Variants in ALKBH5 observed in about 807,000 individuals in gnomAD.
ALKBH5 encodes RNA demethylase ALKBH5.
ALKBH5 carries 2 observed loss-of-function variants against 32.1 expected under a neutral mutation model. The observed-to-expected ratio is 0.06, with a 90% confidence interval of 0.03 to 0.20. The LOEUF (loss-of-function observed/expected upper bound fraction) is 0.20. Among genes scored for constraint, ALKBH5 ranks in the 10% least tolerant of loss-of-function variants. The pLI is 1.00. For missense variants in ALKBH5, 352 were observed against 559.5 expected, an observed-to-expected ratio of 0.63 and a Z score of 3.74; for synonymous variants, 300 against 231.7, an observed-to-expected ratio of 1.29 and a Z score of -2.68.
In ALKBH5 at chr17:18,194,339, A is replaced by G. The variant is rs189424136; in HGVS notation, c.771-616A>G. Among the ~76,000 whole-genome samples, 91 of 152,208 alleles carry G rather than the reference A, an allele frequency of 6.0e-4. 2 individuals carry two copies. In the East Asian group the frequency reaches 0.016, roughly 27 times the overall value. On this transcript the variant is annotated intron_variant, in intron 1 of 3. Transcript: ENST00000399138. Reference sequence around the variant, plus strand: ...TGGCTAATTTTTGTATTTTTAGTAGAGATGGGGTTTCGCCATGTTGGCCAG... The same window carrying G: ...TGGCTAATTTTTGTATTTTTAGTAGGGATGGGGTTTCGCCATGTTGGCCAG...
intron 2 of ALKBH5, 107 bp downstream of exon 2, chr17:18,195,142 G>C: frequency 1.2e-6 from 1 of 830,604 alleles, no homozygotes; most frequent in Non-Finnish European, 1.9e-6. Context: ...GCATGGCAGA[G>C]TGGAGAGCAG....
intron 1 of ALKBH5, among the ~76,000 whole-genome samples, chr17:18,185,649 A>T (rs2047134845): frequency 6.6e-6 from 1 of 152,178 alleles, no homozygotes; most frequent in African/African-American, 2.4e-5. Context: ...AGAACGTGTT[A>T]CTTGTAGTCA....
At chr17:18,192,078 A>G (rs1049395353) in intron 1 of ALKBH5, among the ~76,000 whole-genome samples, 4 of 152,122 alleles carry the variant, frequency 2.6e-5, no homozygotes, top group Non-Finnish European at 4.4e-5. Context: ...ATGGGATGAG[A>G]ACTAGAGTTC....
In ALKBH5 at chr17:18,184,441, C is replaced by G. The variant is rs370188460; in HGVS notation, c.198C>G (p.Pro66=). ...AKRKYQEDSD[P]ERSDYEEQQL... is the part of the protein sequence containing the mutation. ...GCAAGTATCAGGAGGACTCGGACCCCGAGCGCAGCGACTATGAGGAGCAGC... is the reference window on the plus strand; with the variant it reads ...GCAAGTATCAGGAGGACTCGGACCCGGAGCGCAGCGACTATGAGGAGCAGC... Residue 66 remains proline, a synonymous_variant, in exon 1 of 4, where the codon CCC becomes CCG. Coordinates refer to ENST00000399138, the MANE Select transcript of ALKBH5 (RefSeq NM_017758.4). 6.2e-7 allele frequency: 1 copy of G among 1,605,246 alleles called. No homozygotes were observed. The highest frequency in any genetic ancestry group is 1.3e-5 in the African/African-American group (1 of 74,762).
intron 2 of ALKBH5, among the ~76,000 whole-genome samples, chr17:18,196,852 G>T (rs564302501): frequency 6.6e-6 from 1 of 152,098 alleles, no homozygotes; most frequent in African/African-American, 2.4e-5. Context: ...CTGCAGGGGG[G>T]ATTGGTCTAC....
chr17:18,188,609 G>T (rs901884961), intron 1 of ALKBH5, among the ~76,000 whole-genome samples: 1 of 152,258 alleles, frequency 6.6e-6, no homozygotes, highest in Admixed American at 6.5e-5. Flanking sequence ...ACAGGATGAA[G>T]TCAGGGCTGT....
At chr17:18,189,323 A>G (rs753159974) in intron 1 of ALKBH5, among the ~76,000 whole-genome samples, 10 of 152,186 alleles carry the variant, frequency 6.6e-5, no homozygotes, top group Admixed American at 2.6e-4. Context: ...CGGAGCTTGC[A>G]GTGAACCGAG....
intron 1 of ALKBH5, among the ~76,000 whole-genome samples, chr17:18,192,854 C>CTTTTT (rs201150139): frequency 2.9e-3 from 331 of 115,498 alleles, no homozygotes; most frequent in African/African-American, 8.8e-3. Context: ...CTGTCTTTTT[C>CTTTTT]TTTTTTTTTT....
intron 2 of ALKBH5, chr17:18,206,477 C>T (rs2047269587): frequency 9.8e-6 from 2 of 204,170 alleles, no homozygotes; most frequent in Non-Finnish European, 2.0e-5. Context: ...TAGATGGCCC[C>T]AGAGAACCTG....
intron 2 of ALKBH5, among the ~76,000 whole-genome samples, chr17:18,204,336 A>G (rs2047257711): frequency 6.6e-6 from 1 of 152,132 alleles, no homozygotes; most frequent in Non-Finnish European, 1.5e-5. Context: ...CTGTAATCCT[A>G]GCAATTCGGG....
At position 18,208,509 on chromosome 17, in the gene ALKBH5, T is replaced by C; in HGVS notation, c.*113T>C. The C allele has an allele frequency of 8.4e-7, 1 of 1,188,150 alleles. No homozygotes were observed. The allele number at this position is 1,188,150 out of a possible 1,614,324, so 73.6% of individuals were successfully genotyped here. A position where few individuals can be genotyped will look rare whatever the true frequency, so the allele number is the denominator to read the frequency against. On this transcript the variant is annotated 3_prime_UTR_variant, in exon 4 of 4. Coordinates refer to ENST00000399138, the MANE Select transcript of ALKBH5 (RefSeq NM_017758.4). ...GGGGGTTTTTGTTTTTTGTTTTTTG[T>C]TTTTTTTGATTCTATATATTTTTCC... is the stretch of plus-strand genomic sequence containing the variant.
In ALKBH5 at chr17:18,185,862, C is replaced by T. The variant is rs75922346; in HGVS notation, c.770+849C>T. ...TGAAAATTTATTTGGAAGCGGCCTC[C>T]TTCCAGTCCTGAAAAAGGTAAACCT... On this transcript the variant is annotated intron_variant, in intron 1 of 3. Transcript: ENST00000399138. Among the ~76,000 whole-genome samples the T allele has an allele frequency of 8.0e-4, 122 of 152,348 alleles. 6 individuals carry two copies. In the East Asian group the frequency reaches 0.024, roughly 29 times the overall value.
chr17:18,184,196 G>A lies in ALKBH5; in HGVS notation c.-48G>A. 1 of 1,443,070 alleles carries A rather than the reference G, an allele frequency of 6.9e-7. No homozygotes were observed. The highest frequency in any genetic ancestry group is 9.1e-7 in the Non-Finnish European group (1 of 1,098,666). 89.4% of individuals were successfully genotyped at this position (1,443,070 alleles called of 1,614,324 possible). The stretch of plus-strand genomic sequence containing the variant: ...GGCGCGTCCCCTTAGAGCCATGCCC[G>A]GCTGCCCCGCCCGCCCCGGAGGACC... On this transcript the variant is annotated 5_prime_UTR_variant, in exon 1 of 4. Transcript: ENST00000399138.
intron 1 of ALKBH5, among the ~76,000 whole-genome samples, chr17:18,189,904 C>T (rs768201037): frequency 3.3e-5 from 5 of 152,166 alleles, no homozygotes; most frequent in Non-Finnish European, 7.3e-5. Flanking sequence ...TCAGAAAGCC[C>T]CAGGACTTCT....
chr17:18,191,160 T>TA (rs2047172122), intron 1 of ALKBH5, among the ~76,000 whole-genome samples: 1 of 152,256 alleles, frequency 6.6e-6, no homozygotes. Context: ...AGTAGGTTCC[T>TA]TAATAGTAAA....
chr17:18,207,792 T>C (rs914536171), intron 3 of ALKBH5, among the ~76,000 whole-genome samples: 2 of 152,098 alleles, frequency 1.3e-5, no homozygotes, highest in Non-Finnish European at 2.9e-5. Context: ...AGCTAAACCC[T>C]GAGATACAAA....
At chr17:18,203,048 G>T (rs2047250759) in intron 2 of ALKBH5, among the ~76,000 whole-genome samples, 1 of 149,480 alleles carries the variant, frequency 6.7e-6, no homozygotes, top group Admixed American at 6.7e-5. Context: ...ACTCCAGCCT[G>T]GAGACAGAGC....
chr17:18,184,420 G>C lies in ALKBH5; in HGVS notation c.177G>C (p.Lys59Asn). ...EPYPVSGAKR[K>N]YQEDSDPERS... ...ACCCTGTGTCCGGGGCCAAGCGCAA[G>C]TATCAGGAGGACTCGGACCCCGAGC... Residue 59 changes from lysine to asparagine, a missense_variant, in exon 1 of 4, where the codon AAG (lysine) becomes AAC (asparagine). Around this residue, in one of 4 missense-constraint regions of ALKBH5, gnomAD observed 144 missense variants for 125.8 expected, o/e 1.14. Transcript: ENST00000399138. 1 of 1,586,390 alleles carries C rather than the reference G, an allele frequency of 6.3e-7. No individual in the cohort carries two copies. Among genetic ancestry groups the C allele is most frequent in the Non-Finnish European group, 8.6e-7 (1 of 1,167,092 alleles).
intron 2 of ALKBH5, among the ~76,000 whole-genome samples, chr17:18,196,482 A>G (rs920654486): frequency 6.6e-6 from 1 of 152,166 alleles, no homozygotes; most frequent in Non-Finnish European, 1.5e-5. Flanking sequence ...TGGCCTCCCA[A>G]AGTGCTGGGA....
Sources: allele counts gnomAD v4.1 joint callset (sites outside exome capture counted in the v4.1 genomes callset), GRCh38; gene constraint gnomAD v4.1.1; regional missense constraint gnomAD v4.1.1; transcripts MANE v1.5; gene names NCBI Gene and HGNC (gene_info 2026-07-23, HGNC 2026-07-21).